DGKB: variants seen among roughly 807,000 people sequenced by gnomAD.
DGKB encodes the protein diacylglycerol kinase beta, also known as 90 kDa diacylglycerol kinase.
A neutral mutation model predicts 114.3 loss-of-function variants in DGKB; 67 were observed. The ratio of observed to expected loss-of-function variants is 0.59; its 90% CI spans 0.48 to 0.72. The LOEUF is 0.72. Ranked by LOEUF, DGKB falls within the 30% of genes least tolerant of loss-of-function variation. The probability of loss-of-function intolerance (pLI) is 0.00; values close to 1 mark genes in which losing one functional copy is unlikely to be tolerated. For missense variants in DGKB, 907 were observed against 975.2 expected (o/e 0.93, Z 0.93); for synonymous variants, 398 against 323.1 (o/e 1.23, Z -2.49).
chr7:14,918,185 A>T (rs1587378088), intron 1 of DGKB, among the ~76,000 whole-genome samples: 1 of 152,286 alleles, frequency 6.6e-6, no homozygotes, highest in South Asian at 2.1e-4. Flanking sequence ...TCTAAAATCC[A>T]AAACAATAAA....
chr7:14,892,921 T>C (rs567638145), intron 1 of DGKB, among the ~76,000 whole-genome samples: 2 of 150,650 alleles, frequency 1.3e-5, no homozygotes, highest in African/African-American at 4.8e-5. Flanking sequence ...TGTACGCATA[T>C]ACATATCTAT....
chr7:14,502,343 T>C (rs1386343583), intron 20 of DGKB, among the ~76,000 whole-genome samples: 1 of 151,914 alleles, frequency 6.6e-6, no homozygotes, highest in Non-Finnish European at 1.5e-5. Flanking sequence ...TATTTTAGAA[T>C]TTTATCCCCA....
intron 21 of DGKB, among the ~76,000 whole-genome samples, chr7:14,461,833 G>T (rs1833125378): frequency 1.3e-5 from 2 of 152,146 alleles, no homozygotes; most frequent in Non-Finnish European, 2.9e-5. Context: ...TATCCCTGAT[G>T]AACACTGATG....
At chr7:14,934,333 G>T (rs962731026) in intron 1 of DGKB, among the ~76,000 whole-genome samples, 6 of 152,122 alleles carry the variant, frequency 3.9e-5, no homozygotes, top group Admixed American at 2.0e-4. Flanking sequence ...TTTTTGTGTT[G>T]ATGGTCTAAA....
intron 4 of DGKB, among the ~76,000 whole-genome samples, chr7:14,746,996 A>G (rs1015262701): frequency 1.3e-4 from 20 of 152,178 alleles, no homozygotes; most frequent in African/African-American, 4.6e-4. Context: ...TACAGATATA[A>G]GAATGGAGTA....
chr7:14,225,876 C>A (rs1031059441), intron 23 of DGKB, among the ~76,000 whole-genome samples: 1 of 151,796 alleles, frequency 6.6e-6, no homozygotes, highest in African/African-American at 2.4e-5. Context: ...TATTTATTTA[C>A]TACTTAAAAA....
intron 23 of DGKB, among the ~76,000 whole-genome samples, chr7:14,200,185 G>T (rs1785622946): frequency 6.6e-6 from 1 of 152,010 alleles, no homozygotes; most frequent in East Asian, 1.9e-4. Flanking sequence ...TTTCTCTTAT[G>T]TTGCCAGTCC....
intron 23 of DGKB, among the ~76,000 whole-genome samples, chr7:14,278,739 A>G (rs1052596527): frequency 6.6e-6 from 1 of 152,216 alleles, no homozygotes; most frequent in Admixed American, 6.5e-5. Context: ...TACATCTGAT[A>G]GGGAGTTAAT....
intron 2 of DGKB, among the ~76,000 whole-genome samples, chr7:14,799,293 T>G (rs56342275): frequency 0.34 from 51,736 of 152,034 alleles, 11,437 homozygotes; most frequent in African/African-American, 0.63. Context: ...ATTCTCACTG[T>G]CCTACCTCAG....
chr7:14,892,858 A>ATG (rs1781468670), intron 1 of DGKB, among the ~76,000 whole-genome samples: 1 of 42,382 alleles, frequency 2.4e-5, no homozygotes, highest in Non-Finnish European at 5.5e-5. Context: ...AATACCATAT[A>ATG]TATATATGTG....
At chr7:14,946,924 T>C (rs1785913752) in intron 1 of DGKB, among the ~76,000 whole-genome samples, 1 of 151,766 alleles carries the variant, frequency 6.6e-6, no homozygotes, top group African/African-American at 2.4e-5. Context: ...TAAATAATTT[T>C]AAAACACTTC....
chr7:14,463,905 C>G (rs150913273), intron 21 of DGKB, among the ~76,000 whole-genome samples: 1,986 of 152,174 alleles, frequency 0.013, 22 homozygotes, highest in South Asian at 0.045. Context: ...TAGTCTATTG[C>G]CACAAGGACA....
chr7:14,330,711 A>G (rs1230813474), intron 23 of DGKB, among the ~76,000 whole-genome samples: 1 of 151,920 alleles, frequency 6.6e-6, no homozygotes, highest in Non-Finnish European at 1.5e-5. Context: ...TATTCTAAAT[A>G]TTGTCATCTA....
Position 14,176,829 on chromosome 7 carries a change from C to T in DGKB, c.2304+10G>A. The T allele has an allele frequency of 6.2e-7, 1 of 1,613,756 alleles. No homozygotes were observed. The highest frequency in any genetic ancestry group is 8.5e-7 in the Non-Finnish European group (1 of 1,179,742). ...AGATTGACATAGCATATCAACTACT[C>T]TGTACTCACTGTGCATGGGGTCTGC... On this transcript the variant is annotated intron_variant, in intron 25 of 25. Transcript: ENST00000402815.
At chr7:14,859,303 CAA>C (rs1182894296) in intron 1 of DGKB, among the ~76,000 whole-genome samples, 6 of 152,134 alleles carry the variant, frequency 3.9e-5, no homozygotes, top group Admixed American at 3.3e-4. Context: ...GAGGCAGAGT[CAA>C]AGTCTGAGGC....
chr7:14,462,414 G>T (rs1458986021), intron 21 of DGKB, among the ~76,000 whole-genome samples: 1 of 151,964 alleles, frequency 6.6e-6, no homozygotes, highest in African/African-American at 2.4e-5. Flanking sequence ...AGTCTCAGGA[G>T]AAAAAAATCA....
At chr7:14,952,821 A>T (rs1002130427) in intron 1 of DGKB, among the ~76,000 whole-genome samples, 4 of 152,062 alleles carry the variant, frequency 2.6e-5, no homozygotes, top group Non-Finnish European at 5.9e-5. Context: ...TTCAAAACTT[A>T]CCACAAAGCA....
intron 13 of DGKB, among the ~76,000 whole-genome samples, chr7:14,632,686 G>T (rs560441138): frequency 6.6e-6 from 1 of 151,674 alleles, no homozygotes; most frequent in Non-Finnish European, 1.5e-5. Flanking sequence ...AGGAGTGGGT[G>T]GGAGAGAAAT....
At chr7:14,905,893 G>A (rs980470434), upstream of DGKB, among the ~76,000 whole-genome samples, 3 of 152,172 alleles carry the variant, frequency 2.0e-5, no homozygotes, top group African/African-American at 7.2e-5. Context: ...GGAAATAAGG[G>A]TGTTTGAATT....
Sources: gnomAD v4.1 joint callset for allele counts (sites outside exome capture counted in the v4.1 genomes callset) on GRCh38, gnomAD v4.1.1 for gene constraint, MANE v1.5 for transcripts, NCBI Gene and HGNC (gene_info 2026-07-23, HGNC 2026-07-21) for gene names.